The following NRXN1 variants were observed in gnomAD, a reference collection of about 807,000 sequenced individuals.
NRXN1 encodes the protein neurexin-1.
NRXN1 carries 39 observed loss-of-function variants against 150.9 expected under a neutral mutation model. The ratio of observed to expected loss-of-function variants is 0.26; its 90% confidence interval spans 0.20 to 0.34. The LOEUF (loss-of-function observed/expected upper bound fraction) is 0.34. Among genes scored for constraint, NRXN1 ranks in the 10% least tolerant of loss-of-function variants. NRXN1 has a pLI of 1.00. For missense variants in NRXN1, 1,815 were observed against 1,949.9 expected (o/e 0.93, Z 1.30); for synonymous variants, 924 against 757.0 (o/e 1.22, Z -3.62).
intron 13 of NRXN1, among the ~76,000 whole-genome samples, chr2:50,504,779 C>T (rs1040351918): frequency 5.3e-5 from 8 of 152,168 alleles, no homozygotes; most frequent in Non-Finnish European, 1.0e-4. Flanking sequence ...ACTACTTCAT[C>T]TAGACCATCA....
intron 5 of NRXN1, among the ~76,000 whole-genome samples, chr2:50,633,626 T>A (rs1045919690): frequency 6.6e-6 from 1 of 152,052 alleles, no homozygotes; most frequent in Non-Finnish European, 1.5e-5. Context: ...AATTGTTGCA[T>A]ACCATTCTTC....
intron 9 of NRXN1, among the ~76,000 whole-genome samples, chr2:50,539,450 T>G (rs564950046): frequency 6.6e-6 from 1 of 152,074 alleles, no homozygotes; most frequent in Non-Finnish European, 1.5e-5. Flanking sequence ...CTCTAAGTCC[T>G]AAGTATGGAA....
intron 18 of NRXN1, among the ~76,000 whole-genome samples, chr2:50,222,137 C>A (rs1363373614): frequency 6.6e-6 from 1 of 151,932 alleles, no homozygotes; most frequent in Non-Finnish European, 1.5e-5. Flanking sequence ...TAACCTCTTG[C>A]CTGCCTGGCT....
intron 17 of NRXN1, among the ~76,000 whole-genome samples, chr2:50,327,964 A>G (rs1030801915): frequency 2.0e-5 from 3 of 151,866 alleles, no homozygotes; most frequent in Admixed American, 2.0e-4. Flanking sequence ...TTTTTCTTAC[A>G]TGGCCACTTA....
At chr2:50,636,314 G>A (rs978045916) in intron 5 of NRXN1, among the ~76,000 whole-genome samples, 1 of 152,076 alleles carries the variant, frequency 6.6e-6, no homozygotes, top group Non-Finnish European at 1.5e-5. Context: ...TGAAACACTG[G>A]TTTCTTCTTG....
At chr2:49,984,006 TA>T (rs970528562) in intron 21 of NRXN1, among the ~76,000 whole-genome samples, 3 of 111,720 alleles carry the variant, frequency 2.7e-5, no homozygotes, top group African/African-American at 8.8e-5. Flanking sequence ...CTACTAAAAT[TA>T]AAAAAAAAAT....
chr2:50,110,816 A>G (rs1702280689), intron 18 of NRXN1, among the ~76,000 whole-genome samples: 1 of 152,164 alleles, frequency 6.6e-6, no homozygotes, highest in Non-Finnish European at 1.5e-5. Flanking sequence ...CATGTATTTC[A>G]GTACTTCACA....
At chr2:50,556,403 T>C (rs1298481620) in intron 8 of NRXN1, among the ~76,000 whole-genome samples, 2 of 152,182 alleles carry the variant, frequency 1.3e-5, no homozygotes, top group Non-Finnish European at 2.9e-5. Flanking sequence ...TGTTTCACTT[T>C]TGAACAAGTT....
chr2:50,220,945 C>T (rs1296966642), intron 18 of NRXN1, among the ~76,000 whole-genome samples: 1 of 151,954 alleles, frequency 6.6e-6, no homozygotes, highest in African/African-American at 2.4e-5. Flanking sequence ...ATCCTGCCCA[C>T]CATATAACTG....
intron 5 of NRXN1, among the ~76,000 whole-genome samples, chr2:50,809,781 C>T (rs1009871737): frequency 4.6e-5 from 7 of 152,052 alleles, no homozygotes; most frequent in African/African-American, 1.7e-4. Context: ...ATATTAATTG[C>T]TAAACAACTG....
chr2:50,415,895 A>G (rs1268423809), intron 17 of NRXN1, among the ~76,000 whole-genome samples: 1 of 150,112 alleles, frequency 6.7e-6, no homozygotes, highest in African/African-American at 2.5e-5. Flanking sequence ...ACTGTGAATC[A>G]CTTTCAAATT....
At chr2:50,591,665 C>T (rs1037070264) in intron 8 of NRXN1, among the ~76,000 whole-genome samples, 1 of 152,160 alleles carries the variant, frequency 6.6e-6, no homozygotes, top group Non-Finnish European at 1.5e-5. Context: ...TTCAGTGGCT[C>T]TTCCCAAGGG....
intron 17 of NRXN1, among the ~76,000 whole-genome samples, chr2:50,373,711 G>GAAAGAAAGAA (rs71404950): frequency 1.5e-4 from 13 of 86,286 alleles, no homozygotes; most frequent in African/African-American, 3.9e-4. Context: ...AAGAAAGAAA[G>GAAAGAAAGAA]AGAAAGAAAG....
intron 17 of NRXN1, among the ~76,000 whole-genome samples, chr2:50,318,783 T>C (rs535915440): frequency 1.3e-5 from 2 of 152,076 alleles, no homozygotes; most frequent in Non-Finnish European, 2.9e-5. Context: ...AAGAAGATTA[T>C]AAACACAAAA....
intron 5 of NRXN1, among the ~76,000 whole-genome samples, chr2:50,703,020 GACAA>G (rs1199653810): frequency 6.6e-5 from 10 of 152,016 alleles, no homozygotes; most frequent in African/African-American, 1.4e-4. Context: ...CTAACGAACA[GACAA>G]ACAAACACAA....
At chr2:51,016,334 G>A (rs1329390824) in intron 2 of NRXN1, among the ~76,000 whole-genome samples, 1 of 152,108 alleles carries the variant, frequency 6.6e-6, no homozygotes, top group Non-Finnish European at 1.5e-5. Context: ...TGCAGAATGG[G>A]AGAAAATTTT....
intron 17 of NRXN1, among the ~76,000 whole-genome samples, chr2:50,265,936 G>A (rs2152918012): frequency 6.7e-6 from 1 of 150,354 alleles, no homozygotes; most frequent in Admixed American, 6.7e-5. Context: ...GAGGTTTGAG[G>A]ACCAATTTTT....
At chr2:50,345,608 G>A (rs1424846263) in intron 17 of NRXN1, among the ~76,000 whole-genome samples, 1 of 152,178 alleles carries the variant, frequency 6.6e-6, no homozygotes, top group African/African-American at 2.4e-5. Flanking sequence ...ACAGATTGAT[G>A]TTTTAATTTT....
At chr2:51,024,466 A>G (rs1670113055) in intron 2 of NRXN1, among the ~76,000 whole-genome samples, 2 of 152,090 alleles carry the variant, frequency 1.3e-5, no homozygotes, top group Non-Finnish European at 2.9e-5. Flanking sequence ...GGAACAAATA[A>G]AAGTGTTTAT....
Sources: gnomAD v4.1 joint callset for allele counts (sites outside exome capture counted in the v4.1 genomes callset) on GRCh38, gnomAD v4.1.1 for gene constraint, MANE v1.5 for transcripts, NCBI Gene and HGNC (gene_info 2026-07-23, HGNC 2026-07-21) for gene names.